Variants in DPP6 observed in about 807,000 individuals in gnomAD.
The protein encoded by DPP6 is dipeptidyl peptidase like 6, also known as A-type potassium channel modulatory protein DPP6.
Under a neutral mutation model 122.6 loss-of-function variants are expected in DPP6, and 69 were observed. That is an observed-to-expected ratio of 0.56 (90% CI 0.46 to 0.69). DPP6 has a LOEUF of 0.69. Among genes scored for constraint, DPP6 ranks in the 30% least tolerant of loss-of-function variants. DPP6 has a pLI of 0.00. For missense variants in DPP6, 928 were observed against 1,116.9 expected, an observed-to-expected ratio of 0.83 and a Z score of 2.41; for synonymous variants, 418 against 433.1, an observed-to-expected ratio of 0.97 and a Z score of 0.43.
Position 153,887,372 on chromosome 7 carries a change from G to T in DPP6, c.-312G>T, listed in dbSNP as rs886092194. On this transcript the variant is annotated 5_prime_UTR_variant, in exon 1 of 26. Coordinates refer to the DPP6 transcript ENST00000404039. ...CCTCTCGCCCTCGCTAGCTGGGCTC[G>T]CAGCCTCTTCCTCCCTCCCTGGCTC... The T allele has an allele frequency of 1.8e-4, 45 of 244,706 alleles. 2 individuals carry two copies. In the South Asian group the frequency reaches 3.9e-3, roughly 21 times the overall value. 15.2% of individuals were successfully genotyped at this position (244,706 alleles called of 1,614,324 possible).
chr7:154,535,391 T>A (rs1306061610), intron 3 of DPP6, among the ~76,000 whole-genome samples: 1 of 151,756 alleles, frequency 6.6e-6, no homozygotes, highest in African/African-American at 2.4e-5. Context: ...TTTAGATTTT[T>A]TTTTTTTATT....
At chr7:154,702,963 G>A (rs1450367344) in intron 7 of DPP6, among the ~76,000 whole-genome samples, 1 of 152,224 alleles carries the variant, frequency 6.6e-6, no homozygotes, top group Non-Finnish European at 1.5e-5. Flanking sequence ...GGTTGAAGTA[G>A]CTGGTGACTT....
intron 3 of DPP6, among the ~76,000 whole-genome samples, chr7:154,487,937 G>C (rs1823939160): frequency 6.6e-6 from 1 of 152,166 alleles, no homozygotes; most frequent in African/African-American, 2.4e-5. Flanking sequence ...TCAGGTGTCT[G>C]TCTGCATCTC....
chr7:154,793,955 C>A, intron 10 of DPP6, 124 bp from the exon 11 acceptor site: 2 of 1,423,140 alleles, frequency 1.4e-6, no homozygotes, highest in African/African-American at 1.4e-5. Context: ...CGCAGGCTGG[C>A]TGTGTCACCA....
intron 1 of DPP6, among the ~76,000 whole-genome samples, chr7:153,913,739 C>T (rs1800186036): frequency 6.6e-6 from 1 of 152,052 alleles, no homozygotes; most frequent in Non-Finnish European, 1.5e-5. Flanking sequence ...GCAAAGGAGC[C>T]CTTGGCATAA....
At chr7:154,201,190 C>T (rs1312432334) in intron 1 of DPP6, among the ~76,000 whole-genome samples, 3 of 150,952 alleles carry the variant, frequency 2.0e-5, no homozygotes, top group Admixed American at 6.6e-5. Context: ...TGCAGTGGTG[C>T]GATCTCGGCT....
intron 1 of DPP6, among the ~76,000 whole-genome samples, chr7:154,389,714 T>C (rs1178144683): frequency 1.0e-5 from 1 of 97,706 alleles, no homozygotes; most frequent in South Asian, 4.1e-4. Flanking sequence ...TTCCTTGCAT[T>C]CTGGCAGTCC....
At chr7:154,575,650 T>TTGTGTGGTGTGTGTGTATG (rs1191143954) in intron 5 of DPP6, among the ~76,000 whole-genome samples, 2 of 116,030 alleles carry the variant, frequency 1.7e-5, no homozygotes, top group Non-Finnish European at 3.6e-5. Flanking sequence ...TGGTGTGTTT[T>TTGTGTGGTGTGTGTGTATG]TGTGTGGTGT....
intron 3 of DPP6, among the ~76,000 whole-genome samples, chr7:154,526,330 G>A (rs1187261661): frequency 6.6e-6 from 1 of 152,194 alleles, no homozygotes; most frequent in Non-Finnish European, 1.5e-5. Context: ...GGCCTGAGAA[G>A]GGTGATTTTT....
Position 154,403,842 on chromosome 7 carries a change from T to A in DPP6, c.244-42372T>A, listed in dbSNP as rs1332490822. Among the ~76,000 whole-genome samples the A allele has an allele frequency of 6.6e-6, 1 of 152,230 alleles. No individual in the cohort carries two copies. The highest frequency in any genetic ancestry group is 1.5e-5 in the Non-Finnish European group (1 of 68,034). On this transcript the variant is annotated intron_variant, in intron 1 of 25. Coordinates refer to ENST00000377770, the MANE Select transcript of DPP6 (RefSeq NM_130797.4). The surrounding 1 kb of genome is among the most constrained non-coding windows in gnomAD (Gnocchi z 4.1). ...ATTTGGCTGTGAATATCCACCACTGTCTTCCTACTTCTCTTTCTTTGGAAG... is the reference window on the plus strand; with the variant it reads ...ATTTGGCTGTGAATATCCACCACTGACTTCCTACTTCTCTTTCTTTGGAAG...
intron 1 of DPP6, among the ~76,000 whole-genome samples, chr7:154,290,148 C>A (rs1805112255): frequency 6.6e-6 from 1 of 152,150 alleles, no homozygotes; most frequent in Non-Finnish European, 1.5e-5. Flanking sequence ...GTTGCCAGTA[C>A]CTTGTTTTGA....
At chr7:154,789,841 G>A (rs1186528177) in intron 10 of DPP6, among the ~76,000 whole-genome samples, 1 of 152,190 alleles carries the variant, frequency 6.6e-6, no homozygotes, top group African/African-American at 2.4e-5. Context: ...ACGCCTTCAA[G>A]ATTGCCCTGT....
At chr7:154,414,774 G>T (rs767444235) in intron 1 of DPP6, among the ~76,000 whole-genome samples, 24 of 152,198 alleles carry the variant, frequency 1.6e-4, no homozygotes, top group Non-Finnish European at 2.8e-4. Flanking sequence ...CCCTTGTGTG[G>T]CTGTCAAGTT....
chr7:154,786,285 A>C (rs1764644521), intron 10 of DPP6, among the ~76,000 whole-genome samples: 1 of 152,194 alleles, frequency 6.6e-6, no homozygotes, highest in Admixed American at 6.5e-5. Context: ...CGTCAAAGCT[A>C]GAGGGTATAG....
intron 4 of DPP6, among the ~76,000 whole-genome samples, chr7:154,547,626 T>G (rs1378199796): frequency 6.6e-6 from 1 of 152,230 alleles, no homozygotes; most frequent in Non-Finnish European, 1.5e-5. Context: ...GCAAGAACGT[T>G]GCACATTGTG....
At chr7:154,774,294 A>G (rs905066199) in intron 10 of DPP6, among the ~76,000 whole-genome samples, 3 of 152,174 alleles carry the variant, frequency 2.0e-5, no homozygotes, top group African/African-American at 7.2e-5. Flanking sequence ...AAAAAAGTTC[A>G]GATGATTGCT....
chr7:154,017,555 T>C (rs1273393609), intron 1 of DPP6, among the ~76,000 whole-genome samples: 1 of 151,262 alleles, frequency 6.6e-6, no homozygotes, highest in Non-Finnish European at 1.5e-5. Flanking sequence ...AAAAACTTAG[T>C]TGGGCATGGT....
At chr7:153,870,146 G>A in the DPP6 span, among the ~76,000 whole-genome samples, 1 of 152,056 alleles carries the variant, frequency 6.6e-6, no homozygotes, top group African/African-American at 2.4e-5. Flanking sequence ...TGCTCTTCTC[G>A]AGGAGCATCT....
intron 1 of DPP6, among the ~76,000 whole-genome samples, chr7:154,138,506 G>C (rs1585463225): frequency 6.6e-6 from 1 of 152,174 alleles, no homozygotes; most frequent in African/African-American, 2.4e-5. Context: ...AGATCCACAG[G>C]GAAGGAGCCA....
Sources: gnomAD v4.1 joint callset for allele counts (sites outside exome capture counted in the v4.1 genomes callset) on GRCh38, gnomAD v4.1.1 for gene constraint, Gnocchi (gnomAD v3.1) non-coding constraint, MANE v1.5 for transcripts, NCBI Gene and HGNC (gene_info 2026-07-23, HGNC 2026-07-21) for gene names.